BRSK1: variants seen among roughly 807,000 people sequenced by gnomAD.
The protein encoded by BRSK1 is serine/threonine-protein kinase BRSK1.
BRSK1 carries 17 observed loss-of-function variants against 86.2 expected under a neutral mutation model. The ratio of observed to expected loss-of-function variants is 0.20; its 90% confidence interval spans 0.14 to 0.30. The LOEUF is 0.30. BRSK1 is among the 10% of genes least tolerant of loss of function. BRSK1 has a pLI of 1.00. For synonymous variants in BRSK1, 464 were observed against 440.1 expected (o/e 1.05, Z -0.68); for missense variants, 719 against 1,071.9 (o/e 0.67, Z 4.60).
In BRSK1 at chr19:55,303,439, C is replaced by G; in HGVS notation, c.1126+31C>G. The stretch of plus-strand genomic sequence containing the variant: ...AAGGCAGGGCTAGGGGACCAGACAC[C>G]TGGGTCTCGAGATTGGAAGAGGCTG... On this transcript the variant is annotated intron_variant, in intron 11 of 18. Transcript: ENST00000309383. This position sits in a 1 kb window ranked among gnomAD's most constrained non-coding sequence, Gnocchi z 5.1. 6.2e-7 allele frequency: 1 copy of G among 1,602,470 alleles called. No individual in the cohort carries two copies. The highest frequency in any genetic ancestry group is 8.5e-7 in the Non-Finnish European group (1 of 1,169,756).
At chr19:55,305,651 G>C (rs2088639611) in intron 16 of BRSK1, 65 bp downstream of exon 16, 2 of 1,608,370 alleles carry the variant, frequency 1.2e-6, no homozygotes, top group African/African-American at 1.3e-5. Flanking sequence ...CAGCCCCTGG[G>C]GCTAACCACC....
Position 55,294,516 on chromosome 19 carries a change from T to C in BRSK1, c.678+119T>C. On this transcript the variant is annotated intron_variant, in intron 7 of 18. Coordinates refer to ENST00000309383, the MANE Select transcript of BRSK1 (RefSeq NM_032430.2). The surrounding 1 kb of genome is among the most constrained non-coding windows in gnomAD (Gnocchi z 4.9). The stretch of plus-strand genomic sequence containing the variant: ...TTTATTTATGAATTTTATTTATTTA[T>C]TTTGAGACAGAGTCTTGCCCCGTCG... The C allele has an allele frequency of 7.8e-7, 1 of 1,284,744 alleles. No homozygotes were observed. Among genetic ancestry groups the C allele is most frequent in the Non-Finnish European group, 1.1e-6 (1 of 935,126 alleles). The allele number at this position is 1,284,744 out of a possible 1,614,324, so 79.6% of individuals were successfully genotyped here. A position where few individuals can be genotyped will look rare whatever the true frequency, so the allele number is the denominator to read the frequency against.
intron 18 of BRSK1, among the ~76,000 whole-genome samples, chr19:55,309,734 A>T (rs1022255606): frequency 6.6e-6 from 1 of 152,216 alleles, no homozygotes; most frequent in African/African-American, 2.4e-5. Flanking sequence ...GGGAGGATGC[A>T]GTGTTCAGTA....
intron 15 of BRSK1, 43 bp from the exon 16 acceptor site, chr19:55,305,420 C>G (rs376148679): frequency 3.1e-6 from 5 of 1,613,948 alleles, no homozygotes; most frequent in Non-Finnish European, 4.2e-6. Flanking sequence ...TTCATGCCCT[C>G]GGCGCCTTCC....
chr19:55,289,407 T>A, intron 3 of BRSK1, 73 bp from the exon 4 acceptor site: 1 of 1,522,728 alleles, frequency 6.6e-7, no homozygotes, highest in Non-Finnish European at 8.9e-7. Flanking sequence ...CAGGAGCCAG[T>A]GGAAGTGGGA....
At position 55,306,898 on chromosome 19, in the gene BRSK1, AC is replaced by A. The variant is rs2122991524; in HGVS notation, c.2089+449del. Reference sequence around the variant, plus strand: ...GAGCCAAAGGGTGAAGACACAGCACACTGCTGTCTAATATCAGTCTGCCCAG... The same window carrying A: ...GAGCCAAAGGGTGAAGACACAGCACATGCTGTCTAATATCAGTCTGCCCAG... On this transcript the variant is annotated intron_variant, in intron 17 of 18. Transcript: ENST00000309383. This position sits in a 1 kb window ranked among gnomAD's most constrained non-coding sequence, Gnocchi z 4.7. 6.6e-6 allele frequency among the ~76,000 whole-genome samples: 1 copy of A among 152,298 alleles called. No homozygotes were observed. The highest frequency in any genetic ancestry group is 2.4e-5 in the African/African-American group (1 of 41,574).
intron 16 of BRSK1, among the ~76,000 whole-genome samples, chr19:55,305,812 T>C (rs1198580243): frequency 6.6e-6 from 1 of 152,166 alleles, no homozygotes; most frequent in Non-Finnish European, 1.5e-5. Context: ...CCTCAAGGAT[T>C]GGTGAGTTCC....
rs1208117093 is a variant in BRSK1, at chr19:55,303,386, C to T, written c.1104C>T (p.Asp368=). 7.4e-6 allele frequency: 12 copies of T among 1,613,828 alleles called. No homozygotes were observed. The highest frequency in any genetic ancestry group is 1.0e-5 in the Non-Finnish European group (12 of 1,179,930). The change falls in exon 11 of 19, where the codon GAC becomes GAT. Residue 368 remains aspartate (D), a synonymous_variant. Coordinates refer to ENST00000309383, the MANE Select transcript of BRSK1 (RefSeq NM_032430.2). The surrounding 1 kb of genome is among the most constrained non-coding windows in gnomAD (Gnocchi z 5.1). ...KERYPSCEDQ[D]LPPRNDVDPP... is the part of the protein sequence containing the mutation. ...GGTATCCCAGCTGTGAGGACCAGGA[C>T]CTGCCTCCCCGGAATGATGTTGGTG... is the stretch of plus-strand genomic sequence containing the variant.
rs369182313 is a variant in BRSK1 at position 55,303,622 on chromosome 19, T to A, written c.1127-45T>A. ...AGTTTCTGAGGCAGTTGTACACAGC[T>A]GGGTGAAACCATCTCTTGATTGGGT... On this transcript the variant is annotated intron_variant, in intron 11 of 18. Transcript: ENST00000309383. This position sits in a 1 kb window ranked among gnomAD's most constrained non-coding sequence, Gnocchi z 5.1. 5.7e-6 allele frequency: 9 copies of A among 1,567,458 alleles called. No homozygotes were observed. The African/African-American group carries it at 1.1e-4, about 19-fold the overall frequency.
In BRSK1 at chr19:55,310,591, C is replaced by T. The variant is rs2088763745; in HGVS notation, c.2180-1320C>T. On this transcript the variant is annotated intron_variant, in intron 18 of 18. Coordinates refer to ENST00000309383, the MANE Select transcript of BRSK1 (RefSeq NM_032430.2). This position sits in a 1 kb window ranked among gnomAD's most constrained non-coding sequence, Gnocchi z 5.0. ...AGTAATGTCTGGAGACATTTTTCCTCCCCTCAACTGGGGAAAACAGGGGGA... is the reference window on the plus strand; with the variant it reads ...AGTAATGTCTGGAGACATTTTTCCTTCCCTCAACTGGGGAAAACAGGGGGA... Among the ~76,000 whole-genome samples the T allele has an allele frequency of 6.6e-6, 1 of 152,110 alleles. No homozygotes were observed. Among genetic ancestry groups the T allele is most frequent in the Non-Finnish European group, 1.5e-5 (1 of 68,008 alleles).
Position 55,287,033 on chromosome 19 carries a change from A to C in BRSK1, c.163A>C (p.Ile55Leu). The C allele has an allele frequency of 6.2e-7, 1 of 1,613,950 alleles. No homozygotes were observed. The highest frequency in any genetic ancestry group is 8.5e-7 in the Non-Finnish European group (1 of 1,179,966). ...TGLVKLGVHC[I>L]TGQKVAIKIV... ...GCTGGTTAAACTCGGGGTCCACTGC[A>C]TCACGGGTCAGAAGGTCGCCATCAA... Residue 55 changes from isoleucine (I) to leucine (L), a missense_variant, in exon 2 of 19, where the codon ATC becomes CTC. Ile to Leu is a conservative substitution (Grantham distance 5, BLOSUM62 2). Around this residue, in one of 6 missense-constraint regions of BRSK1, gnomAD observed 71 missense variants for 92.6 expected, o/e 0.77. Transcript: ENST00000309383. The surrounding 1 kb of genome is among the most constrained non-coding windows in gnomAD (Gnocchi z 5.3).
At position 55,287,381 on chromosome 19, in the gene BRSK1, AG is replaced by A; in HGVS notation, c.317+87del. 5 of 1,359,508 alleles carry A rather than the reference AG, an allele frequency of 3.7e-6. No individual in the cohort carries two copies. The South Asian group carries it at 4.7e-5, about 13-fold the overall frequency. The allele number at this position is 1,359,508 out of a possible 1,614,324, so 84.2% of individuals were successfully genotyped here. On this transcript the variant is annotated intron_variant, in intron 3 of 18. Coordinates refer to ENST00000309383, the MANE Select transcript of BRSK1 (RefSeq NM_032430.2). The surrounding 1 kb of genome is among the most constrained non-coding windows in gnomAD (Gnocchi z 5.3). The stretch of plus-strand genomic sequence containing the variant: ...TGGGACTTCTCCAGAAACAGGGCCT[AG>A]GGGGACCTGGGGGACCTGCAGCTCT...
At chr19:55,290,711 G>T (rs1038647638) in intron 4 of BRSK1, among the ~76,000 whole-genome samples, 1 of 151,102 alleles carries the variant, frequency 6.6e-6, no homozygotes, top group African/African-American at 2.4e-5. Flanking sequence ...GCGCGATCTC[G>T]GCTCACTGCA....
chr19:55,293,914 A>G, intron 4 of BRSK1, 103 bp from the exon 5 acceptor site: 1 of 1,016,904 alleles, frequency 9.8e-7, no homozygotes, highest in South Asian at 2.0e-5. Flanking sequence ...ATCCCCTAAA[A>G]ATCCAAAAAG....
intron 7 of BRSK1, among the ~76,000 whole-genome samples, chr19:55,300,039 C>G (rs73053177): frequency 6.6e-6 from 1 of 152,034 alleles, no homozygotes. Flanking sequence ...ATGATACGTT[C>G]GCTTGTTTGT....
Position 55,306,582 on chromosome 19 carries a change from C to A in BRSK1, c.2089+132C>A. The A allele has an allele frequency of 9.6e-7, 1 of 1,040,542 alleles. No individual in the cohort carries two copies. Among genetic ancestry groups the A allele is most frequent in the Non-Finnish European group, 1.4e-6 (1 of 710,552 alleles). The allele number at this position is 1,040,542 out of a possible 1,614,324, so 64.5% of individuals were successfully genotyped here. Reference sequence around the variant, plus strand: ...TCAGCTGGTGCCGACTCTCTGTGCTCCTCCTGCCCACACAGACCGCCCCAC... The same window carrying A: ...TCAGCTGGTGCCGACTCTCTGTGCTACTCCTGCCCACACAGACCGCCCCAC... On this transcript the variant is annotated intron_variant, in intron 17 of 18. Transcript: ENST00000309383. The surrounding 1 kb of genome is among the most constrained non-coding windows in gnomAD (Gnocchi z 4.7).
rs777887552 is a variant in BRSK1 at position 55,294,402 on chromosome 19, G to A, written c.678+5G>A. 4 of 1,613,640 alleles carry A rather than the reference G, an allele frequency of 2.5e-6. No individual in the cohort carries two copies. The East Asian group carries it at 8.9e-5, about 36-fold the overall frequency. On this transcript the variant is annotated splice_donor_5th_base_variant and intron_variant, in intron 7 of 18. Transcript: ENST00000309383. This position sits in a 1 kb window ranked among gnomAD's most constrained non-coding sequence, Gnocchi z 4.9. ...ATCCTCTTCGCCCTGCTCGTGGTAA[G>A]GCGCCCTCACCTCTCCTGTCATTTC...
rs1173627767 is a variant in BRSK1 at position 55,287,172 on chromosome 19, G to C, written c.232-42G>C. 6.2e-7 allele frequency: 1 copy of C among 1,613,090 alleles called. No homozygotes were observed. Among genetic ancestry groups the C allele is most frequent in the South Asian group, 1.1e-5 (1 of 91,062 alleles). On this transcript the variant is annotated intron_variant, in intron 2 of 18. Transcript: ENST00000309383. The surrounding 1 kb of genome is among the most constrained non-coding windows in gnomAD (Gnocchi z 5.3). ...GGGCTGAGGGCAGGGGCGGGGCCGT[G>C]CTGACCTCTTTTCCCGTGTCCCCAC... is the stretch of plus-strand genomic sequence containing the variant.
chr19:55,284,685 G>A, intron 1 of BRSK1, 107 bp downstream of exon 1: 1 of 1,018,842 alleles, frequency 9.8e-7, no homozygotes, highest in Non-Finnish European at 1.3e-6. Flanking sequence ...CCAGACCCCT[G>A]GGCCCCTCAT....
Sources: gnomAD v4.1 joint callset for allele counts (sites outside exome capture counted in the v4.1 genomes callset) on GRCh38, gnomAD v4.1.1 for gene constraint, gnomAD v4.1.1 regional missense constraint, Gnocchi (gnomAD v3.1) non-coding constraint, MANE v1.5 for transcripts, NCBI Gene and HGNC (gene_info 2026-07-23, HGNC 2026-07-21) for gene names.